The following INO80 variants were observed in gnomAD, a reference collection of about 807,000 sequenced individuals.
The protein encoded by INO80 is INO80 complex ATPase subunit.
INO80 carries 20 observed loss-of-function variants against 203.4 expected under a neutral mutation model. The observed-to-expected ratio is 0.10, with a 90% CI of 0.07 to 0.14. INO80 has a LOEUF of 0.14. Among genes scored for constraint, INO80 ranks in the 10% least tolerant of loss-of-function variants. The pLI is 1.00. For missense variants in INO80, 1,419 were observed against 1,914.4 expected, an observed-to-expected ratio of 0.74 and a Z score of 4.83; for synonymous variants, 726 against 685.2, an observed-to-expected ratio of 1.06 and a Z score of -0.93.
At chr15:41,009,464 T>C (rs1488466288) in intron 27 of INO80, among the ~76,000 whole-genome samples, 1 of 146,158 alleles carries the variant, frequency 6.8e-6, no homozygotes, top group Non-Finnish European at 1.5e-5. Context: ...TTCCCACCTA[T>C]GAGTGAGAAT....
intron 27 of INO80, among the ~76,000 whole-genome samples, chr15:41,012,204 C>T (rs1361499919): frequency 1.3e-5 from 2 of 152,226 alleles, no homozygotes; most frequent in Non-Finnish European, 2.9e-5. Context: ...TTCTGCCTGA[C>T]ATCCAGCTGG....
chr15:40,999,485 A>G (rs1159213296), intron 28 of INO80: 2 of 152,248 alleles, frequency 1.3e-5, no homozygotes, highest in Admixed American at 6.5e-5. Flanking sequence ...ACATTGAATT[A>G]AACACAACTT....
At chr15:41,062,193 A>G (rs2045123805) in intron 14 of INO80, among the ~76,000 whole-genome samples, 1 of 152,204 alleles carries the variant, frequency 6.6e-6, no homozygotes, top group Admixed American at 6.5e-5. Flanking sequence ...GACAAAAGGG[A>G]TGTAGTCCAA....
chr15:41,039,552 C>T (rs897818018), intron 24 of INO80, among the ~76,000 whole-genome samples: 3 of 152,270 alleles, frequency 2.0e-5, no homozygotes, highest in Non-Finnish European at 2.9e-5. Flanking sequence ...ACATTAATTA[C>T]GTATGTTTCT....
At chr15:41,050,321 G>A (rs768463412) in intron 19 of INO80, among the ~76,000 whole-genome samples, 5 of 151,896 alleles carry the variant, frequency 3.3e-5, no homozygotes, top group Non-Finnish European at 7.4e-5. Flanking sequence ...TGCTTTCCCT[G>A]GGCAATTTCT....
intron 5 of INO80, among the ~76,000 whole-genome samples, chr15:41,089,856 G>T (rs977508733): frequency 1.3e-5 from 2 of 151,926 alleles, no homozygotes; most frequent in Non-Finnish European, 2.9e-5. Flanking sequence ...CTTTCTAAGA[G>T]AGAAACACTA....
At chr15:41,087,978 T>C (rs1483135660) in intron 5 of INO80, among the ~76,000 whole-genome samples, 4 of 152,058 alleles carry the variant, frequency 2.6e-5, no homozygotes, top group Non-Finnish European at 4.4e-5. Context: ...GACATGAAAT[T>C]AATTCCTTGC....
chr15:41,027,836 T>G (rs1396054129), intron 24 of INO80, 100 bp from the exon 25 acceptor site: 27 of 841,576 alleles, frequency 3.2e-5, no homozygotes, highest in Non-Finnish European at 4.7e-5. Flanking sequence ...TTTAAGAGCT[T>G]TCTTCCCTGT....
At chr15:41,104,011 T>C (rs1232160513) in intron 1 of INO80, among the ~76,000 whole-genome samples, 2 of 150,186 alleles carry the variant, frequency 1.3e-5, no homozygotes, top group African/African-American at 2.4e-5. Flanking sequence ...AGGTCAGGAG[T>C]TCGAGACCAG....
chr15:41,056,087 G>A (rs1352352717), intron 17 of INO80, among the ~76,000 whole-genome samples: 1 of 151,794 alleles, frequency 6.6e-6, no homozygotes, highest in South Asian at 2.1e-4. Flanking sequence ...AAGACTACAG[G>A]CATGCACCAC....
chr15:40,980,904 C>T (rs1442199787), intron 35 of INO80, among the ~76,000 whole-genome samples: 1 of 152,212 alleles, frequency 6.6e-6, no homozygotes, highest in Non-Finnish European at 1.5e-5. Flanking sequence ...GCTGCCCACT[C>T]TCTATCCTGT....
intron 27 of INO80, among the ~76,000 whole-genome samples, chr15:41,008,249 ACAC>A (rs1566908730): frequency 2.6e-5 from 4 of 151,964 alleles, no homozygotes; most frequent in African/African-American, 9.7e-5. Flanking sequence ...ACACACACAC[ACAC>A]ACGAATATTA....
intron 24 of INO80, among the ~76,000 whole-genome samples, chr15:41,041,753 T>C (rs1031462973): frequency 6.6e-6 from 1 of 152,224 alleles, no homozygotes; most frequent in African/African-American, 2.4e-5. Context: ...CGGCTTCTAG[T>C]TCTTTATTCA....
intron 14 of INO80, among the ~76,000 whole-genome samples, chr15:41,066,042 A>C (rs1045158638): frequency 1.3e-4 from 20 of 148,712 alleles, no homozygotes; most frequent in African/African-American, 4.7e-4. Context: ...GCCCAGGCAC[A>C]ATCTCGGCTC....
In INO80 at chr15:41,095,464, C is replaced by T. The variant is rs919796962; in HGVS notation, c.381+137G>A. The T allele has an allele frequency of 6.1e-6, 4 of 654,384 alleles. No homozygotes were observed. In the African/African-American group the frequency reaches 7.3e-5, roughly 12 times the overall value. 40.5% of individuals were successfully genotyped at this position (654,384 alleles called of 1,614,324 possible). A position where few individuals can be genotyped will look rare whatever the true frequency, so the allele number is the denominator to read the frequency against. On this transcript the variant is annotated intron_variant, in intron 4 of 35. Coordinates refer to ENST00000648947, the MANE Select transcript of INO80 (RefSeq NM_017553.3). Reference sequence around the variant, plus strand: ...CTCCAGATTTTCTCAATAATCTCTTCAAAAAAACCACATCCAGTATAAGAG... The same window carrying T: ...CTCCAGATTTTCTCAATAATCTCTTTAAAAAAACCACATCCAGTATAAGAG...
intron 25 of INO80, among the ~76,000 whole-genome samples, chr15:41,023,783 ACAAAACAAAACG>A (rs1566915144): frequency 5.6e-5 from 8 of 142,992 alleles, no homozygotes; most frequent in Admixed American, 6.9e-5. Context: ...AAAAAAAAAA[ACAAAACAAAACG>A]AAAAAAAGAA....
chr15:41,071,257 T>A (rs961222839), intron 12 of INO80, among the ~76,000 whole-genome samples: 1 of 152,238 alleles, frequency 6.6e-6, no homozygotes, highest in South Asian at 2.1e-4. Context: ...AATTTATTTT[T>A]AATTATACTT....
At chr15:40,999,941 TA>T (rs2043936859) in intron 28 of INO80, among the ~76,000 whole-genome samples, 1 of 152,112 alleles carries the variant, frequency 6.6e-6, no homozygotes, top group African/African-American at 2.4e-5. Context: ...AAATTTTTTT[TA>T]AAAAAATTAG....
chr15:41,041,217 T>C (rs2044660642), intron 24 of INO80, among the ~76,000 whole-genome samples: 1 of 151,798 alleles, frequency 6.6e-6, no homozygotes, highest in Non-Finnish European at 1.5e-5. Flanking sequence ...GCCTCCCAAG[T>C]AGCTGGAACT....
Sources: gnomAD v4.1 joint callset for allele counts (sites outside exome capture counted in the v4.1 genomes callset) on GRCh38, gnomAD v4.1.1 for gene constraint, MANE v1.5 for transcripts, NCBI Gene and HGNC (gene_info 2026-07-23, HGNC 2026-07-21) for gene names.